Variants in C15orf40 observed in about 807,000 individuals in gnomAD.
C15orf40 encodes chromosome 15 open reading frame 40, also known as UPF0235 protein C15orf40.
In C15orf40, 9 loss-of-function variants were observed where a neutral mutation model predicts 13.9. The ratio of observed to expected loss-of-function variants is 0.65; its 90% CI spans 0.39 to 1.13. The LOEUF (loss-of-function observed/expected upper bound fraction) is 1.13, where lower values mean the gene tolerates loss of function less well. Ranked by LOEUF, C15orf40 falls within the 50% of genes most tolerant of loss-of-function variation. The pLI is 0.01. For missense variants in C15orf40, 225 were observed against 188.5 expected, an observed-to-expected ratio of 1.19 and a Z score of -1.13; for synonymous variants, 95 against 69.2, an observed-to-expected ratio of 1.37 and a Z score of -1.85.
chr15:82,990,766 G>A (rs2030824996), downstream of C15orf40: 3 of 883,792 alleles, frequency 3.4e-6, no homozygotes, highest in Non-Finnish European at 5.4e-6. Context: ...TAACAACATA[G>A]CAGGTCAAAA....
rs1422742757 is a variant in C15orf40, at chr15:82,996,581, T to TG, written c.*9015dup. The TG allele has an allele frequency of 6.6e-6, 1 of 151,888 alleles. No homozygotes were observed. Among genetic ancestry groups the TG allele is most frequent in the Admixed American group, 6.6e-5 (1 of 15,254 alleles). The allele number at this position is 151,888 out of a possible 1,614,324, so 9.4% of individuals were successfully genotyped here. On this transcript the variant is annotated 3_prime_UTR_variant, in exon 4 of 4. Coordinates refer to ENST00000304177, the MANE Select transcript of C15orf40 (RefSeq NM_144597.3). ...TGGCGTGAACCCAGGACGCAGAACT[T>TG]GCAGTAGGCCGAGACTGCGACACTG... is the stretch of plus-strand genomic sequence containing the variant.
downstream of C15orf40, chr15:82,991,995 C>G (rs1401206468): frequency 2.8e-6 from 3 of 1,074,308 alleles, no homozygotes; most frequent in Non-Finnish European, 3.8e-6. Context: ...GCGGGAAGAT[C>G]ACTTGAAGCC....
rs2031383942 is a variant in C15orf40 at position 83,000,754 on chromosome 15, G to A, written c.*4843C>T. 1 of 152,234 alleles carries A rather than the reference G, an allele frequency of 6.6e-6. No individual in the cohort carries two copies. Among genetic ancestry groups the A allele is most frequent in the Non-Finnish European group, 1.5e-5 (1 of 68,048 alleles). The allele number at this position is 152,234 out of a possible 1,614,324, so 9.4% of individuals were successfully genotyped here. A position where few individuals can be genotyped will look rare whatever the true frequency, so the allele number is the denominator to read the frequency against. Reference sequence around the variant, plus strand: ...TATGTAACCAAATCCCTGGAATCTAGGAGGGGGATGCTGACAGCCCACAGC... The same window carrying A: ...TATGTAACCAAATCCCTGGAATCTAAGAGGGGGATGCTGACAGCCCACAGC... On this transcript the variant is annotated 3_prime_UTR_variant, in exon 4 of 4. Transcript: ENST00000304177.
downstream of C15orf40, chr15:82,989,898 A>T: frequency 5.0e-6 from 8 of 1,612,518 alleles, no homozygotes; most frequent in Non-Finnish European, 6.8e-6. Context: ...GACAACAGAC[A>T]GTTCAGAGGC....
chr15:82,989,592 C>T (rs568365942), downstream of C15orf40, among the ~76,000 whole-genome samples: 14 of 152,036 alleles, frequency 9.2e-5, no homozygotes, highest in Non-Finnish European at 2.1e-4. Context: ...AATAAATTAC[C>T]ATACCATTTT....
rs1336578070 is a variant in C15orf40 at position 83,004,961 on chromosome 15, G to C, written c.*636C>G. The C allele has an allele frequency of 2.7e-5, 35 of 1,285,596 alleles. No individual in the cohort carries two copies. Among genetic ancestry groups the C allele is most frequent in the Non-Finnish European group, 3.6e-5 (35 of 972,394 alleles). 79.6% of individuals were successfully genotyped at this position (1,285,596 alleles called of 1,614,324 possible). A position where few individuals can be genotyped will look rare whatever the true frequency, so the allele number is the denominator to read the frequency against. The stretch of plus-strand genomic sequence containing the variant: ...GCTTGCATGGTACAATCTTGAGTAA[G>C]TCTCTCAACTTCTGGATATAGGAAA... On this transcript the variant is annotated 3_prime_UTR_variant, in exon 4 of 4. Transcript: ENST00000304177.
At chr15:82,991,970 C>G, downstream of C15orf40, 1 of 1,210,114 alleles carries the variant, frequency 8.3e-7, no homozygotes, top group Non-Finnish European at 1.1e-6. Flanking sequence ...TATCCCAGCA[C>G]TCTGGGAGGC....
Position 83,001,298 on chromosome 15 carries a change from T to C in C15orf40, c.*4299A>G. Reference sequence around the variant, plus strand: ...CGAAGTACAGCATAGGCAAACCACCTAGCAGTGTCTGTCAAGTAAGCAACC... The same window carrying C: ...CGAAGTACAGCATAGGCAAACCACCCAGCAGTGTCTGTCAAGTAAGCAACC... On this transcript the variant is annotated 3_prime_UTR_variant, in exon 4 of 4. Coordinates refer to ENST00000304177, the MANE Select transcript of C15orf40 (RefSeq NM_144597.3). 1 of 985,494 alleles carries C rather than the reference T, an allele frequency of 1.0e-6. No homozygotes were observed. Among genetic ancestry groups the C allele is most frequent in the Non-Finnish European group, 1.2e-6 (1 of 829,940 alleles). 61.0% of individuals were successfully genotyped at this position (985,494 alleles called of 1,614,324 possible).
At chr15:82,991,290 G>A (rs1052911922), downstream of C15orf40, among the ~76,000 whole-genome samples, 10 of 152,300 alleles carry the variant, frequency 6.6e-5, no homozygotes, top group Admixed American at 1.3e-4. Flanking sequence ...GCTCATGCCT[G>A]TAGTCCCAGC....
Position 83,001,891 on chromosome 15 carries a change from GT to G in C15orf40, c.*3705del. ...CCTACCTCCAACAGTAGTTTGTTTT[GT>G]TTTGTTTGTTTCTGTTTTTTTGTTG... On this transcript the variant is annotated 3_prime_UTR_variant, in exon 4 of 4. Transcript: ENST00000304177. 1 of 151,006 alleles carries G rather than the reference GT, an allele frequency of 6.6e-6. No individual in the cohort carries two copies. Among genetic ancestry groups the G allele is most frequent in the African/African-American group, 2.5e-5 (1 of 40,232 alleles). 9.4% of individuals were successfully genotyped at this position (151,006 alleles called of 1,614,324 possible). A position where few individuals can be genotyped will look rare whatever the true frequency, so the allele number is the denominator to read the frequency against.
At position 83,005,180 on chromosome 15, in the gene C15orf40, C is replaced by CAT. The variant is rs780348730; in HGVS notation, c.*415_*416dup. 1.2e-5 allele frequency: 13 copies of CAT among 1,043,466 alleles called. No individual in the cohort carries two copies. The highest frequency in any genetic ancestry group is 3.4e-5 in the African/African-American group (2 of 58,928). The allele number at this position is 1,043,466 out of a possible 1,614,324, so 64.6% of individuals were successfully genotyped here. ...TTTTGGAGTCTTATTCGAATATATA[C>CAT]ATATATATATGTCCCCCATGTTCTT... On this transcript the variant is annotated 3_prime_UTR_variant, in exon 4 of 4. Coordinates refer to ENST00000304177, the MANE Select transcript of C15orf40 (RefSeq NM_144597.3).
At position 83,003,505 on chromosome 15, in the gene C15orf40, T is replaced by A. The variant is rs1374742831; in HGVS notation, c.*2092A>T. On this transcript the variant is annotated 3_prime_UTR_variant, in exon 4 of 4. Coordinates refer to ENST00000304177, the MANE Select transcript of C15orf40 (RefSeq NM_144597.3). ...GTAAAATCCACAAGTAAAACGGCTT[T>A]ACAGCACACATGGCAATGGTCTTGA... 1 of 152,218 alleles carries A rather than the reference T, an allele frequency of 6.6e-6. No homozygotes were observed. Among genetic ancestry groups the A allele is most frequent in the Non-Finnish European group, 1.5e-5 (1 of 68,040 alleles). The allele number at this position is 152,218 out of a possible 1,614,324, so 9.4% of individuals were successfully genotyped here.
intron 2 of C15orf40, 49 bp from the exon 3 acceptor site, chr15:83,008,724 C>T: frequency 6.5e-7 from 1 of 1,530,064 alleles, no homozygotes; most frequent in South Asian, 1.3e-5. Flanking sequence ...TCTTTTTCTT[C>T]ATGAAGCAAG....
chr15:82,989,282 G>A (rs541184356), downstream of C15orf40: 18 of 1,319,620 alleles, frequency 1.4e-5, 1 homozygote, highest in South Asian at 2.7e-4. Flanking sequence ...AGGGACCAGT[G>A]TTTTTGGTAT....
intron 1 of C15orf40, chr15:83,010,572 T>C (rs1387495392): frequency 2.0e-6 from 1 of 510,318 alleles, no homozygotes; most frequent in Non-Finnish European, 3.4e-6. Flanking sequence ...CCCAACAGTG[T>C]TTTTTCCCCC....
chr15:83,010,581 C>A, intron 1 of C15orf40: 1 of 491,214 alleles, frequency 2.0e-6, no homozygotes. Context: ...GTTTTTTCCC[C>A]CCTTGCAAGA....
At chr15:82,990,152 C>T, downstream of C15orf40, 1 of 536,158 alleles carries the variant, frequency 1.9e-6, no homozygotes, top group Non-Finnish European at 2.9e-6. Context: ...CATAGTTTTA[C>T]ATCTGATTTT....
chr15:83,010,408 C>T (rs368614462), intron 1 of C15orf40, 45 bp from the exon 2 acceptor site: 2 of 1,608,940 alleles, frequency 1.2e-6, no homozygotes, highest in African/African-American at 2.7e-5. Flanking sequence ...AAATATTTTC[C>T]CACACATTTA....
At position 83,005,519 on chromosome 15, in the gene C15orf40, G is replaced by C; in HGVS notation, c.*78C>G. The C allele has an allele frequency of 7.8e-7, 1 of 1,286,910 alleles. No homozygotes were observed. The highest frequency in any genetic ancestry group is 1.1e-6 in the Non-Finnish European group (1 of 951,084). The allele number at this position is 1,286,910 out of a possible 1,614,324, so 79.7% of individuals were successfully genotyped here. ...GGCTGGTCTCGAACTCCTGACCTCA[G>C]GTGATCCGCCCACCACGGCCTCCCA... On this transcript the variant is annotated 3_prime_UTR_variant, in exon 4 of 4. Transcript: ENST00000304177.
Sources: allele counts gnomAD v4.1 joint callset (sites outside exome capture counted in the v4.1 genomes callset), GRCh38; gene constraint gnomAD v4.1.1; transcripts MANE v1.5; gene names NCBI Gene and HGNC (gene_info 2026-07-23, HGNC 2026-07-21).